Variants in DDX43 observed in about 807,000 individuals in gnomAD.
The protein encoded by DDX43 is DEAD-box helicase 43.
A neutral mutation model predicts 84.9 loss-of-function variants in DDX43; 50 were observed. The observed-to-expected ratio is 0.59, with a 90% CI of 0.47 to 0.75. The LOEUF (loss-of-function observed/expected upper bound fraction) is 0.75. DDX43 is among the 30% of genes least tolerant of loss of function. The probability of loss-of-function intolerance (pLI) is 0.00; values close to 1 mark genes in which losing one functional copy is unlikely to be tolerated. For missense variants in DDX43, 689 were observed against 798.6 expected, an observed-to-expected ratio of 0.86 and a Z score of 1.65; for synonymous variants, 291 against 266.3, an observed-to-expected ratio of 1.09 and a Z score of -0.90.
intron 9 of DDX43, among the ~76,000 whole-genome samples, 153 bp downstream of exon 9, chr6:73,408,254 A>G (rs1017732372): frequency 7.9e-5 from 12 of 151,878 alleles, no homozygotes; most frequent in African/African-American, 2.9e-4. Flanking sequence ...GACCAATATG[A>G]TGAAACTCCG....
At chr6:73,416,278 T>C (rs749045924) in intron 16 of DDX43, 27 bp downstream of exon 16, 21 of 881,048 alleles carry the variant, frequency 2.4e-5, no homozygotes, top group East Asian at 2.3e-4. Context: ...ATATGGACTT[T>C]AAAATGCCTG....
chr6:73,416,491 C>T (rs926631851), intron 16 of DDX43, among the ~76,000 whole-genome samples: 2 of 152,254 alleles, frequency 1.3e-5, no homozygotes, highest in African/African-American at 2.4e-5. Flanking sequence ...CCCAAGCATC[C>T]ATCAGTGAAT....
chr6:73,405,027 T>C (rs1349512649), intron 5 of DDX43, among the ~76,000 whole-genome samples: 1 of 152,156 alleles, frequency 6.6e-6, no homozygotes, highest in Non-Finnish European at 1.5e-5. Context: ...AATGAATGTT[T>C]ATATGAAATT....
At position 73,402,013 on chromosome 6, in the gene DDX43, T is replaced by C. The variant is rs1243980985; in HGVS notation, c.568+23T>C. ...CAGGTCAGTGCTGCTTCCTAATATT[T>C]ACATATATTGTTTCTGTTAACTGCA... On this transcript the variant is annotated intron_variant, in intron 4 of 16. Coordinates refer to ENST00000370336, the MANE Select transcript of DDX43 (RefSeq NM_018665.3). 5 of 1,612,192 alleles carry C rather than the reference T, an allele frequency of 3.1e-6. No homozygotes were observed. The South Asian group carries it at 5.5e-5, about 18-fold the overall frequency.
At chr6:73,413,055 C>G (rs899222571) in intron 11 of DDX43, among the ~76,000 whole-genome samples, 1 of 152,098 alleles carries the variant, frequency 6.6e-6, no homozygotes, top group Non-Finnish European at 1.5e-5. Context: ...TTTCTGATAC[C>G]TAATTTTAAC....
chr6:73,412,136 T>C, intron 10 of DDX43, 69 bp from the exon 11 acceptor site: 1 of 1,376,338 alleles, frequency 7.3e-7, no homozygotes, highest in South Asian at 1.3e-5. Flanking sequence ...ACTTGGTTCA[T>C]AGCATGCTTA....
chr6:73,405,936 C>A, intron 6 of DDX43, 101 bp downstream of exon 6: 1 of 1,072,878 alleles, frequency 9.3e-7, no homozygotes, highest in Non-Finnish European at 1.3e-6. Flanking sequence ...CTTAGCATTC[C>A]ACCAGCACCT....
Position 73,404,778 on chromosome 6 carries a change from A to T in DDX43, c.650+7A>T. The T allele has an allele frequency of 6.2e-7, 1 of 1,603,594 alleles. No homozygotes were observed. Among genetic ancestry groups the T allele is most frequent in the South Asian group, 1.1e-5 (1 of 90,320 alleles). On this transcript the variant is annotated splice_region_variant and intron_variant, in intron 5 of 16. Transcript: ENST00000370336. ...TAGAAGCAGATAGTTGGAGGTGGGTAGTTTCATTACCTAGTTGTGTAAGTA... is the reference window on the plus strand; with the variant it reads ...TAGAAGCAGATAGTTGGAGGTGGGTTGTTTCATTACCTAGTTGTGTAAGTA...
chr6:73,410,287 C>T (rs996340697), intron 10 of DDX43, among the ~76,000 whole-genome samples: 3 of 152,108 alleles, frequency 2.0e-5, no homozygotes, highest in African/African-American at 7.2e-5. Context: ...CTGTCTCAGC[C>T]TCCTGAGTAG....
At chr6:73,399,873 C>T (rs920237054) in intron 2 of DDX43, among the ~76,000 whole-genome samples, 1 of 152,058 alleles carries the variant, frequency 6.6e-6, no homozygotes, top group African/African-American at 2.4e-5. Flanking sequence ...GTAAAATTAG[C>T]GAAACAAATA....
Position 73,412,300 on chromosome 6 carries a change from T to C in DDX43, c.1368+8T>C. Reference sequence around the variant, plus strand: ...GGTACATTGGATCTAGTTGTAAGCTTTTTTTTATTACTATTGTTTAACATT... The same window carrying C: ...GGTACATTGGATCTAGTTGTAAGCTCTTTTTTATTACTATTGTTTAACATT... On this transcript the variant is annotated splice_region_variant and intron_variant, in intron 11 of 16. Coordinates refer to ENST00000370336, the MANE Select transcript of DDX43 (RefSeq NM_018665.3). 1 of 1,598,724 alleles carries C rather than the reference T, an allele frequency of 6.3e-7. No homozygotes were observed.
intron 9 of DDX43, among the ~76,000 whole-genome samples, chr6:73,408,479 C>T (rs1403260371): frequency 6.6e-6 from 1 of 152,064 alleles, no homozygotes; most frequent in Non-Finnish European, 1.5e-5. Context: ...TCTTCCCTCC[C>T]CTTGAGCTTT....
rs779752318 is a variant in DDX43, at chr6:73,405,734, A to G, written c.706A>G (p.Ile236Val). Residue 236 changes from isoleucine (I) to valine (V), a missense_variant, in exon 6 of 17, where the codon ATC (isoleucine) becomes GTC (valine). Around this residue, in one of 2 missense-constraint regions of DDX43, gnomAD observed 552 missense variants for 692.7 expected, o/e 0.80. Coordinates refer to ENST00000370336, the MANE Select transcript of DDX43 (RefSeq NM_018665.3). ...CTTGAAGGATGGGGAGAAACGACCT[A>G]TCCCCAATCCTACCTGCACATTTGA... is the stretch of plus-strand genomic sequence containing the variant. ...DDLKDGEKRP[I>V]PNPTCTFDDA... The G allele has an allele frequency of 3.1e-6, 5 of 1,614,098 alleles. No homozygotes were observed. Among genetic ancestry groups the G allele is most frequent in the South Asian group, 1.1e-5 (1 of 91,076 alleles).
At chr6:73,412,637 T>A (rs1200535020) in intron 11 of DDX43, among the ~76,000 whole-genome samples, 1 of 35,832 alleles carries the variant, frequency 2.8e-5, no homozygotes, top group African/African-American at 7.2e-5. Context: ...TATATATATA[T>A]AGTGTGTGTG....
rs765330912 is a variant in DDX43 at position 73,395,190 on chromosome 6, T to TG, written c.250+39dup. The TG allele has an allele frequency of 4.7e-5, 74 of 1,572,688 alleles. No individual in the cohort carries two copies. In the South Asian group the frequency reaches 7.3e-4, roughly 15 times the overall value. ...GGAGTGGCTGGCAGGGCAGGATAGG[T>TG]GGGGCCAGGGGCGGAGCCTGGGCGA... On this transcript the variant is annotated intron_variant, in intron 1 of 16. Transcript: ENST00000370336.
At chr6:73,405,652 G>A in intron 5 of DDX43, 27 bp from the exon 6 acceptor site, 1 of 1,608,330 alleles carries the variant, frequency 6.2e-7, no homozygotes, top group Non-Finnish European at 8.5e-7. Context: ...AGTGAGGAAA[G>A]CCACTGATGT....
At chr6:73,402,116 T>C in intron 4 of DDX43, 126 bp downstream of exon 4, 1 of 1,192,472 alleles carries the variant, frequency 8.4e-7, no homozygotes, top group Non-Finnish European at 1.2e-6. Context: ...TCTAAAATGC[T>C]GCAATTAGTC....
chr6:73,415,367 C>G, intron 14 of DDX43, 130 bp from the exon 15 acceptor site: 1 of 536,696 alleles, frequency 1.9e-6, no homozygotes, highest in East Asian at 3.1e-5. Context: ...TAAACCACAG[C>G]AGATTTAGAT....
chr6:73,414,187 C>A, intron 13 of DDX43, 108 bp downstream of exon 13: 1 of 688,880 alleles, frequency 1.5e-6, no homozygotes, highest in South Asian at 1.8e-5. Context: ...GATCTGTCCT[C>A]ACCTTCTGTA....
Sources: gnomAD v4.1 joint callset for allele counts (sites outside exome capture counted in the v4.1 genomes callset) on GRCh38, gnomAD v4.1.1 for gene constraint, gnomAD v4.1.1 regional missense constraint, MANE v1.5 for transcripts, NCBI Gene and HGNC (gene_info 2026-07-23, HGNC 2026-07-21) for gene names.